Variants in C7orf78 observed in about 807,000 individuals in gnomAD.
C7orf78 encodes the protein putative uncharacterized protein C7orf78.
At chr7:12,492,629 T>A in the C7orf78 span, among the ~76,000 whole-genome samples, 2 of 152,304 alleles carry the variant, frequency 1.3e-5, no homozygotes, top group Non-Finnish European at 2.9e-5. Flanking sequence ...AGTACTAAAC[T>A]CACTCCCAGA....
At chr7:12,529,746 G>A in the C7orf78 span, among the ~76,000 whole-genome samples, 162 of 152,302 alleles carry the variant, frequency 1.1e-3, 6 homozygotes, top group East Asian at 0.023. Context: ...CCAAAACTGG[G>A]GCATAGCCGG....
the C7orf78 span, among the ~76,000 whole-genome samples, chr7:12,506,468 A>G: frequency 6.6e-6 from 1 of 152,244 alleles, no homozygotes; most frequent in Non-Finnish European, 1.5e-5. Context: ...GCCATAAAAA[A>G]TGATGAGTTC....
the C7orf78 span, among the ~76,000 whole-genome samples, chr7:12,496,027 G>A: frequency 2.1e-4 from 32 of 152,072 alleles, no homozygotes; most frequent in Non-Finnish European, 4.1e-4. Flanking sequence ...CCGGGTTCAC[G>A]CCATTCTCTT....
At chr7:12,523,710 T>C in the C7orf78 span, among the ~76,000 whole-genome samples, 1 of 151,988 alleles carries the variant, frequency 6.6e-6, no homozygotes, top group African/African-American at 2.4e-5. Context: ...AGAGAACAGG[T>C]TGGGTTTAGA....
At chr7:12,504,507 T>C in the C7orf78 span, 1 of 152,198 alleles carries the variant, frequency 6.6e-6, no homozygotes, top group Admixed American at 6.5e-5. Context: ...TGCTGAGATA[T>C]ATTACTCTAA....
chr7:12,517,170 A>G, the C7orf78 span, among the ~76,000 whole-genome samples: 1 of 152,162 alleles, frequency 6.6e-6, no homozygotes, highest in Middle Eastern at 3.4e-3. Context: ...TCATGGGTGC[A>G]GTTTCCCCGA....
chr7:12,524,748 C>T, the C7orf78 span, among the ~76,000 whole-genome samples: 1 of 151,834 alleles, frequency 6.6e-6, no homozygotes, highest in African/African-American at 2.4e-5. Context: ...GAGGCTGAGG[C>T]AAGAGAATCG....
chr7:12,532,463 C>T, the C7orf78 span, among the ~76,000 whole-genome samples: 1 of 151,366 alleles, frequency 6.6e-6, no homozygotes, highest in Non-Finnish European at 1.5e-5. Context: ...GCAGGAGAAT[C>T]ACTTGAACCT....
At chr7:12,515,749 C>CT in the C7orf78 span, among the ~76,000 whole-genome samples, 3 of 152,110 alleles carry the variant, frequency 2.0e-5, no homozygotes, top group Admixed American at 2.0e-4. Flanking sequence ...AAAGGTGACT[C>CT]TTGTTTTGTT....
the C7orf78 span, among the ~76,000 whole-genome samples, chr7:12,508,707 G>C: frequency 6.6e-6 from 1 of 152,182 alleles, no homozygotes; most frequent in African/African-American, 2.4e-5. Context: ...GAGGGCCAGA[G>C]AGCAAAGCTT....
chr7:12,518,785 G>C, the C7orf78 span, among the ~76,000 whole-genome samples: 4 of 152,050 alleles, frequency 2.6e-5, no homozygotes, highest in East Asian at 5.8e-4. Context: ...GTGATGGTTG[G>C]TGTGGATACC....
the C7orf78 span, among the ~76,000 whole-genome samples, chr7:12,522,361 T>C: frequency 0.029 from 4,371 of 152,196 alleles, 195 homozygotes; most frequent in African/African-American, 0.099. Flanking sequence ...ATGATTTCCA[T>C]GTCACTGGTT....
At chr7:12,535,007 G>GAAGT in the C7orf78 span, among the ~76,000 whole-genome samples, 2 of 150,890 alleles carry the variant, frequency 1.3e-5, no homozygotes, top group African/African-American at 4.9e-5. Flanking sequence ...AGGAAGGAAG[G>GAAGT]AAGGAAGGAA....
the C7orf78 span, among the ~76,000 whole-genome samples, chr7:12,484,954 A>G: frequency 1.3e-5 from 2 of 152,004 alleles, no homozygotes; most frequent in Non-Finnish European, 2.9e-5. Flanking sequence ...ACTAATTTAT[A>G]TTTTGCGTCT....
the C7orf78 span, among the ~76,000 whole-genome samples, chr7:12,521,549 G>T: frequency 6.6e-6 from 1 of 151,514 alleles, no homozygotes; most frequent in South Asian, 2.1e-4. Flanking sequence ...TTGCTAAGTA[G>T]CTCATAAGAA....
chr7:12,487,252 G>A, the C7orf78 span, among the ~76,000 whole-genome samples: 2 of 152,026 alleles, frequency 1.3e-5, no homozygotes, highest in African/African-American at 4.8e-5. Context: ...GATACTTAAT[G>A]TTGTTATTCT....
At chr7:12,507,144 C>CGA in the C7orf78 span, 1 of 114,778 alleles carries the variant, frequency 8.7e-6, no homozygotes, top group African/African-American at 3.4e-5. Flanking sequence ...ACTAAAAATA[C>CGA]AAAAAAAAAA....
chr7:12,511,452 G>T, the C7orf78 span, among the ~76,000 whole-genome samples: 16 of 152,070 alleles, frequency 1.1e-4, no homozygotes, highest in Non-Finnish European at 2.1e-4. Flanking sequence ...TGACTTTGTA[G>T]ATTGCTTTGG....
chr7:12,501,280 G>A, the C7orf78 span, among the ~76,000 whole-genome samples: 18 of 147,984 alleles, frequency 1.2e-4, no homozygotes, highest in African/African-American at 4.0e-4. Context: ...AGGAAAAGAG[G>A]AAATCAAATT....
Sources: gnomAD v4.1 joint callset for allele counts (sites outside exome capture counted in the v4.1 genomes callset) on GRCh38, gnomAD v4.1.1 for gene constraint, MANE v1.5 for transcripts, NCBI Gene and HGNC (gene_info 2026-07-23, HGNC 2026-07-21) for gene names.